The following SMYD3 variants were observed in gnomAD, a reference collection of about 807,000 sequenced individuals.
SMYD3 encodes histone-lysine N-methyltransferase SMYD3.
In SMYD3, 36 loss-of-function variants were observed where a neutral mutation model predicts 57.7. The ratio of observed to expected loss-of-function variants is 0.62; its 90% confidence interval spans 0.48 to 0.82. The LOEUF (loss-of-function observed/expected upper bound fraction) is 0.82. SMYD3 is among the 40% of genes least tolerant of loss of function. The pLI, the probability that SMYD3 is intolerant of heterozygous loss-of-function variation, is 0.00. For missense variants in SMYD3, 515 were observed against 538.8 expected (o/e 0.96, Z 0.44); for synonymous variants, 211 against 195.0 (o/e 1.08, Z -0.68).
intron 1 of SMYD3, among the ~76,000 whole-genome samples, chr1:246,480,943 C>T (rs1022148768): frequency 3.9e-5 from 6 of 152,112 alleles, no homozygotes; most frequent in East Asian, 1.9e-4. Flanking sequence ...GGATTACAGG[C>T]GTGTGCCACC....
intron 9 of SMYD3, among the ~76,000 whole-genome samples, chr1:245,862,488 G>A (rs935411529): frequency 2.4e-5 from 3 of 122,646 alleles, no homozygotes; most frequent in Non-Finnish European, 6.0e-5. Context: ...AACATTTAGA[G>A]ATCTTTTGAA....
At chr1:245,956,386 T>A (rs1330234500) in intron 5 of SMYD3, among the ~76,000 whole-genome samples, 1 of 152,242 alleles carries the variant, frequency 6.6e-6, no homozygotes, top group Non-Finnish European at 1.5e-5. Context: ...AGTCAAGATC[T>A]GATATTCAGC....
chr1:246,361,464 G>T (rs905614889), intron 1 of SMYD3, among the ~76,000 whole-genome samples: 2 of 152,128 alleles, frequency 1.3e-5, no homozygotes, highest in African/African-American at 2.4e-5. Context: ...AAAAGGAAAA[G>T]AAGTCATTAT....
intron 1 of SMYD3, among the ~76,000 whole-genome samples, chr1:246,380,965 G>A (rs565737931): frequency 2.8e-4 from 42 of 152,252 alleles, no homozygotes; most frequent in African/African-American, 9.1e-4. Context: ...TGCTCAATTC[G>A]CTAAGAATGA....
intron 1 of SMYD3, 65 bp downstream of exon 1, chr1:246,506,989 G>GCCCCCCCCACCC: frequency 3.1e-6 from 2 of 649,318 alleles, no homozygotes; most frequent in Non-Finnish European, 4.2e-6. Flanking sequence ...GCCGCCCGAC[G>GCCCCCCCCACCC]CCCCCCCCTC....
intron 1 of SMYD3, among the ~76,000 whole-genome samples, chr1:246,476,107 T>C (rs185044090): frequency 2.0e-5 from 3 of 152,376 alleles, no homozygotes; most frequent in African/African-American, 7.2e-5. Context: ...TTCTAATGAA[T>C]ATGGACATTT....
chr1:246,440,231 AAGACCTC>A (rs1387911417), intron 1 of SMYD3, among the ~76,000 whole-genome samples: 1 of 152,240 alleles, frequency 6.6e-6, no homozygotes, highest in African/African-American at 2.4e-5. Flanking sequence ...TTTATTTTTC[AAGACCTC>A]AGATGCCATT....
At chr1:246,187,287 C>CA (rs201777727) in intron 5 of SMYD3, among the ~76,000 whole-genome samples, 19,393 of 110,244 alleles carry the variant, frequency 0.18, 1,485 homozygotes, top group Middle Eastern at 0.36. Flanking sequence ...GACTCTGTCT[C>CA]AAAAAAAAAA....
rs908917888 is a variant in SMYD3, at chr1:246,054,530, A to G, written c.532-124593T>C. Among the ~76,000 whole-genome samples, 3 of 152,252 alleles carry G rather than the reference A, an allele frequency of 2.0e-5. No homozygotes were observed. In the East Asian group the frequency reaches 5.8e-4, roughly 29 times the overall value. ...ATAAAATGTGGTATGTCTACACAACACAACACTATTCATAAACAGAAAGGA... is the reference window on the plus strand; with the variant it reads ...ATAAAATGTGGTATGTCTACACAACGCAACACTATTCATAAACAGAAAGGA... On this transcript the variant is annotated intron_variant, in intron 5 of 11. Transcript: ENST00000490107.
intron 5 of SMYD3, among the ~76,000 whole-genome samples, chr1:246,296,939 A>G (rs2064806032): frequency 6.6e-6 from 1 of 152,212 alleles, no homozygotes; most frequent in South Asian, 2.1e-4. Context: ...ACTTAGGTAG[A>G]GGAAGCTAAC....
intron 5 of SMYD3, among the ~76,000 whole-genome samples, chr1:246,017,398 C>T (rs750070651): frequency 3.8e-4 from 58 of 152,300 alleles, no homozygotes; most frequent in Middle Eastern, 6.8e-3. Context: ...CCACCATGAT[C>T]CTTTTCACAG....
chr1:245,760,565 G>A (rs1263324300), intron 11 of SMYD3, among the ~76,000 whole-genome samples: 1 of 152,112 alleles, frequency 6.6e-6, no homozygotes, highest in Non-Finnish European at 1.5e-5. Context: ...AGCAGGCCCA[G>A]GGGGAGGCTT....
At chr1:245,908,042 C>T (rs773662583) in intron 8 of SMYD3, among the ~76,000 whole-genome samples, 5 of 151,758 alleles carry the variant, frequency 3.3e-5, no homozygotes, top group Admixed American at 6.6e-5. Context: ...AAGCTGAGGC[C>T]GGAGAATCCC....
intron 5 of SMYD3, among the ~76,000 whole-genome samples, chr1:246,210,703 T>TAA (rs961137031): frequency 1.9e-4 from 26 of 139,318 alleles, no homozygotes; most frequent in African/African-American, 6.5e-4. Context: ...AGGGCGAAAC[T>TAA]AAAAAAAAAA....
chr1:245,929,942 A>C lies in SMYD3; in HGVS notation c.532-5T>G. ...GGTGAAAGAGTTGCAGATCACCTGT[A>C]AACACAAGGGGAACCATCAGTATTA... On this transcript the variant is annotated splice_region_variant and splice_polypyrimidine_tract_variant and intron_variant, in intron 5 of 11. Coordinates refer to ENST00000490107, the MANE Select transcript of SMYD3 (RefSeq NM_001167740.2). The C allele has an allele frequency of 6.2e-7, 1 of 1,613,014 alleles. No homozygotes were observed. The highest frequency in any genetic ancestry group is 8.5e-7 in the Non-Finnish European group (1 of 1,179,104).
chr1:246,259,084 A>G (rs10802375), intron 5 of SMYD3, among the ~76,000 whole-genome samples: 31,370 of 151,794 alleles, frequency 0.21, 3,889 homozygotes, highest in East Asian at 0.58. Flanking sequence ...TCTTTTTAAG[A>G]TATTTATCTC....
intron 5 of SMYD3, among the ~76,000 whole-genome samples, chr1:245,999,269 C>T (rs1044693823): frequency 2.6e-5 from 4 of 151,674 alleles, no homozygotes; most frequent in Non-Finnish European, 5.9e-5. Flanking sequence ...GGGAAGATTG[C>T]AAAAAGCACA....
chr1:245,778,052 G>A (rs1255447548), intron 10 of SMYD3, among the ~76,000 whole-genome samples: 5 of 151,990 alleles, frequency 3.3e-5, no homozygotes, highest in Admixed American at 1.3e-4. Flanking sequence ...ACCTATATCC[G>A]GAGAAACTAC....
At chr1:245,765,388 C>CA (rs534339227) in intron 10 of SMYD3, among the ~76,000 whole-genome samples, 14,573 of 135,360 alleles carry the variant, frequency 0.11, 861 homozygotes, top group East Asian at 0.32. Context: ...GACCCTGTTT[C>CA]AAAAAAAAAA....
Sources: gnomAD v4.1 joint callset for allele counts (sites outside exome capture counted in the v4.1 genomes callset) on GRCh38, gnomAD v4.1.1 for gene constraint, MANE v1.5 for transcripts, NCBI Gene and HGNC (gene_info 2026-07-23, HGNC 2026-07-21) for gene names.